USP25: variants seen among roughly 807,000 people sequenced by gnomAD.
The protein encoded by USP25 is ubiquitin specific peptidase 25.
USP25 carries 85 observed loss-of-function variants against 158.5 expected under a neutral mutation model. The observed-to-expected ratio is 0.54, with a 90% confidence interval of 0.45 to 0.64. The LOEUF is 0.64. Among genes scored for constraint, USP25 ranks in the 30% least tolerant of loss-of-function variants. USP25 has a pLI of 0.00. For synonymous variants in USP25, 464 were observed against 460.4 expected (o/e 1.01, Z -0.10); for missense variants, 1,242 against 1,327.3 (o/e 0.94, Z 1.00).
chr21:15,732,107 C>T (rs1418965415), intron 1 of USP25, among the ~76,000 whole-genome samples: 1 of 152,142 alleles, frequency 6.6e-6, no homozygotes, highest in Non-Finnish European at 1.5e-5. Flanking sequence ...AATCAAGAAT[C>T]AAGTTAACGA....
intron 14 of USP25, among the ~76,000 whole-genome samples, chr21:15,829,892 T>TA (rs2037713238): frequency 6.6e-6 from 1 of 152,172 alleles, no homozygotes; most frequent in African/African-American, 2.4e-5. Context: ...AGCCAGTTTC[T>TA]TTTATAGTTT....
chr21:15,777,823 A>T (rs1351777259), intron 3 of USP25, 81 bp from the exon 4 acceptor site: 1 of 1,356,592 alleles, frequency 7.4e-7, no homozygotes, highest in African/African-American at 1.5e-5. Flanking sequence ...TAAAGAGTAT[A>T]TTGGATATAA....
intron 4 of USP25, among the ~76,000 whole-genome samples, 171 bp from the exon 5 acceptor site, chr21:15,791,330 TG>T (rs2035579148): frequency 1.3e-5 from 2 of 151,944 alleles, no homozygotes; most frequent in South Asian, 4.1e-4. Flanking sequence ...TACTTCTCTA[TG>T]TATTAGCATT....
chr21:15,833,986 A>G (rs2037937430), intron 17 of USP25, among the ~76,000 whole-genome samples: 1 of 152,208 alleles, frequency 6.6e-6, no homozygotes, highest in Non-Finnish European at 1.5e-5. Flanking sequence ...CGGTATATTC[A>G]TATATACTTT....
chr21:15,754,343 G>A (rs2033236954), intron 1 of USP25, among the ~76,000 whole-genome samples: 1 of 152,128 alleles, frequency 6.6e-6, no homozygotes, highest in African/African-American at 2.4e-5. Context: ...CATTTATTCA[G>A]TCAATGTTGA....
chr21:15,817,099 TC>T (rs2036978090), intron 9 of USP25, among the ~76,000 whole-genome samples: 1 of 151,082 alleles, frequency 6.6e-6, no homozygotes, highest in Non-Finnish European at 1.5e-5. Context: ...ACCACTGAGC[TC>T]CAGACTGGGT....
In USP25 at chr21:15,879,884, TGTAAA is replaced by T. The variant is rs1172453860; in HGVS notation, c.*1412_*1416del. 1 of 152,368 alleles carries T rather than the reference TGTAAA, an allele frequency of 6.6e-6. No individual in the cohort carries two copies. Among genetic ancestry groups the T allele is most frequent in the African/African-American group, 2.4e-5 (1 of 41,460 alleles). The allele number at this position is 152,368 out of a possible 1,614,324, so 9.4% of individuals were successfully genotyped here. A position where few individuals can be genotyped will look rare whatever the true frequency, so the allele number is the denominator to read the frequency against. On this transcript the variant is annotated 3_prime_UTR_variant, in exon 26 of 26. Transcript: ENST00000400183. The stretch of plus-strand genomic sequence containing the variant: ...GACAAGGAATTAGTACTATTCCTGT[TGTAAA>T]GTTAGATTTTGCATATTGTATCTAT...
intron 1 of USP25, among the ~76,000 whole-genome samples, chr21:15,761,582 A>G (rs1043144365): frequency 6.6e-6 from 1 of 152,192 alleles, no homozygotes; most frequent in South Asian, 2.1e-4. Context: ...CTGGTAAGGG[A>G]AAAACGCCTT....
intron 23 of USP25, among the ~76,000 whole-genome samples, chr21:15,872,968 C>T (rs556524540): frequency 6.9e-4 from 105 of 151,856 alleles, no homozygotes; most frequent in African/African-American, 2.3e-3. Flanking sequence ...GAAAAACTGA[C>T]GCAAAGGAAA....
At position 15,766,215 on chromosome 21, in the gene USP25, G is replaced by A. The variant is rs867673150; in HGVS notation, c.268+74G>A. On this transcript the variant is annotated intron_variant, in intron 3 of 25. Transcript: ENST00000400183. The surrounding 1 kb of genome is among the most constrained non-coding windows in gnomAD (Gnocchi z 4.0). ...ACTTTTCTTGGTGTAATATATTAAT[G>A]TTGCTTAAGGAGAGGTAAAGAACCA... is the stretch of plus-strand genomic sequence containing the variant. 3.6e-6 allele frequency: 5 copies of A among 1,394,954 alleles called. No individual in the cohort carries two copies. In the Middle Eastern group the frequency reaches 1.1e-3, roughly 295 times the overall value. 86.4% of individuals were successfully genotyped at this position (1,394,954 alleles called of 1,614,324 possible).
intron 1 of USP25, among the ~76,000 whole-genome samples, chr21:15,748,542 CTT>C (rs2032752836): frequency 6.9e-6 from 1 of 144,586 alleles, no homozygotes; most frequent in East Asian, 2.1e-4. Flanking sequence ...TTAAGCAAAC[CTT>C]TCACTTTGGC....
intron 22 of USP25, among the ~76,000 whole-genome samples, chr21:15,869,656 G>A (rs554029140): frequency 1.3e-5 from 2 of 152,206 alleles, no homozygotes; most frequent in South Asian, 4.1e-4. Flanking sequence ...TTAAAATTAT[G>A]TATTAAGTAT....
At chr21:15,830,633 C>A in intron 15 of USP25, 32 bp downstream of exon 15, 2 of 1,457,260 alleles carry the variant, frequency 1.4e-6, no homozygotes, top group South Asian at 1.3e-5. Flanking sequence ...TAATCATTGT[C>A]AAAATTATTT....
chr21:15,845,102 C>A (rs545519792), intron 18 of USP25, among the ~76,000 whole-genome samples: 39 of 151,946 alleles, frequency 2.6e-4, no homozygotes, highest in Non-Finnish European at 5.4e-4. Context: ...AGGTTATTTC[C>A]TTAGAATAGA....
chr21:15,733,756 C>T (rs183577702), intron 1 of USP25, among the ~76,000 whole-genome samples: 2 of 152,246 alleles, frequency 1.3e-5, no homozygotes, highest in East Asian at 1.9e-4. Context: ...GCAGGAGAAT[C>T]GCTTGAACTC....
chr21:15,867,279 A>T (rs2039698238), intron 22 of USP25, among the ~76,000 whole-genome samples: 1 of 152,032 alleles, frequency 6.6e-6, no homozygotes. Context: ...TTTGCTTAAT[A>T]TTTAGTTCCA....
intron 4 of USP25, among the ~76,000 whole-genome samples, chr21:15,785,493 T>TA (rs1254266784): frequency 6.6e-6 from 1 of 152,208 alleles, no homozygotes; most frequent in Admixed American, 6.5e-5. Flanking sequence ...CACAACTATA[T>TA]AAAGCTAGAA....
Position 15,826,331 on chromosome 21 carries a change from C to T in USP25, c.1432C>T (p.Pro478Ser), listed in dbSNP as rs935309770. ...PVDDIDASSP[P>S]SGSIPSQTLP... ...TGACGATATTGACGCTAGTTCCCCA[C>T]CTAGTGGTTCCATACCATCACAGAC... The change falls in exon 13 of 26, where the codon CCT becomes TCT. Residue 478 changes from proline to serine, a missense_variant. Pro to Ser is a moderately conservative substitution (Grantham distance 74, BLOSUM62 -1). This residue lies in a region of USP25 where 627 missense variants were observed against 701.4 expected (regional missense o/e 0.89). Transcript: ENST00000400183. The surrounding 1 kb of genome is among the most constrained non-coding windows in gnomAD (Gnocchi z 4.8). 7 of 1,613,870 alleles carry T rather than the reference C, an allele frequency of 4.3e-6. No individual in the cohort carries two copies. Among genetic ancestry groups the T allele is most frequent in the African/African-American group, 2.7e-5 (2 of 74,932 alleles).
chr21:15,730,284 A>C lies in USP25; in HGVS notation c.-110A>C, dbSNP rs2123111412. On this transcript the variant is annotated 5_prime_UTR_variant, in exon 1 of 26. Transcript: ENST00000400183. ...TGGCTGGCGGGGGCGCTGTCCTCCC[A>C]GGCCGTCCGCGCCGCTCCCTGGAGC... 1.0e-6 allele frequency: 1 copy of C among 984,810 alleles called. No homozygotes were observed. The allele number at this position is 984,810 out of a possible 1,614,324, so 61.0% of individuals were successfully genotyped here. A position where few individuals can be genotyped will look rare whatever the true frequency, so the allele number is the denominator to read the frequency against.
Sources: allele counts gnomAD v4.1 joint callset (sites outside exome capture counted in the v4.1 genomes callset), GRCh38; gene constraint gnomAD v4.1.1; regional missense constraint gnomAD v4.1.1; non-coding constraint Gnocchi (gnomAD v3.1); transcripts MANE v1.5; gene names NCBI Gene and HGNC (gene_info 2026-07-23, HGNC 2026-07-21).